The following SPOCK3 variants were observed in gnomAD, a reference collection of about 807,000 sequenced individuals.
SPOCK3 encodes the protein SPARC (osteonectin), cwcv and kazal like domains proteoglycan 3.
In SPOCK3, 30 loss-of-function variants were observed where a neutral mutation model predicts 56.6. The observed-to-expected ratio is 0.53, with a 90% CI of 0.40 to 0.72. The LOEUF is 0.72. Among genes scored for constraint, SPOCK3 ranks in the 30% least tolerant of loss-of-function variants. The pLI is 0.00. For missense variants in SPOCK3, 527 were observed against 530.0 expected (o/e 0.99, Z 0.06); for synonymous variants, 196 against 183.3 (o/e 1.07, Z -0.56).
At chr4:166,992,972 T>C (rs939462126) in intron 4 of SPOCK3, among the ~76,000 whole-genome samples, 1 of 152,188 alleles carries the variant, frequency 6.6e-6, no homozygotes, top group Non-Finnish European at 1.5e-5. Flanking sequence ...TGTGTCATAG[T>C]GCACCCTTTT....
chr4:167,215,050 G>A (rs1462243436), intron 2 of SPOCK3, among the ~76,000 whole-genome samples: 1 of 151,624 alleles, frequency 6.6e-6, no homozygotes, highest in Admixed American at 6.6e-5. Context: ...CAGTGTTCTT[G>A]TAAAGTAAAT....
At chr4:167,188,134 G>T (rs764925473) in intron 2 of SPOCK3, among the ~76,000 whole-genome samples, 2 of 146,092 alleles carry the variant, frequency 1.4e-5, no homozygotes, top group Non-Finnish European at 3.0e-5. Context: ...ACGACTGAAA[G>T]AATTTGAAGA....
intron 2 of SPOCK3, among the ~76,000 whole-genome samples, chr4:167,222,347 A>G (rs1343594643): frequency 1.3e-5 from 2 of 151,930 alleles, no homozygotes; most frequent in African/African-American, 4.8e-5. Context: ...CTGCAATGAA[A>G]AAGTTCTGGA....
intron 4 of SPOCK3, chr4:166,918,567 C>T (rs1203925355): frequency 6.6e-6 from 1 of 152,064 alleles, no homozygotes; most frequent in African/African-American, 2.4e-5. Flanking sequence ...AATCATTTGA[C>T]ATAGCTTATT....
At chr4:166,894,242 A>G (rs1263149416) in intron 5 of SPOCK3, among the ~76,000 whole-genome samples, 2 of 152,084 alleles carry the variant, frequency 1.3e-5, no homozygotes, top group Non-Finnish European at 2.9e-5. Flanking sequence ...ACAAAATGTT[A>G]TATTAATAAT....
At chr4:167,208,648 GATAAC>G (rs2111009882) in intron 2 of SPOCK3, among the ~76,000 whole-genome samples, 1 of 151,456 alleles carries the variant, frequency 6.6e-6, no homozygotes, top group South Asian at 2.1e-4. Flanking sequence ...GCACATTTTT[GATAAC>G]ATATTTACCA....
chr4:166,743,928 G>A (rs1226870200), intron 8 of SPOCK3, among the ~76,000 whole-genome samples: 2 of 152,184 alleles, frequency 1.3e-5, no homozygotes, highest in African/African-American at 2.4e-5. Context: ...CTTTGCTAAG[G>A]CTTGACTAGG....
At chr4:166,956,905 A>C (rs1299930642) in intron 4 of SPOCK3, among the ~76,000 whole-genome samples, 2 of 152,084 alleles carry the variant, frequency 1.3e-5, no homozygotes, top group East Asian at 3.9e-4. Context: ...ACTTCATCAT[A>C]CACAGTGAGC....
In SPOCK3 at chr4:166,783,345, C is replaced by T. The variant is rs143553313; in HGVS notation, c.709+8825G>A. Among the ~76,000 whole-genome samples, 329 of 151,776 alleles carry T rather than the reference C, an allele frequency of 2.2e-3. 1 individual carries two copies. The highest frequency in any genetic ancestry group is 7.6e-3 in the African/African-American group (316 of 41,386). ...CTGCACTCCAGCATGGGCAACAGAA[C>T]GAGAGTCTGTCTAAAAAAAAAGAAA... On this transcript the variant is annotated intron_variant, in intron 7 of 10. Transcript: ENST00000357545.
At chr4:166,803,043 A>G (rs1364739650) in intron 6 of SPOCK3, among the ~76,000 whole-genome samples, 1 of 151,956 alleles carries the variant, frequency 6.6e-6, no homozygotes, top group Non-Finnish European at 1.5e-5. Flanking sequence ...GCTCTCTGAC[A>G]AATAAAGCAC....
chr4:167,168,180 A>C (rs558313669), intron 2 of SPOCK3, among the ~76,000 whole-genome samples: 1 of 152,298 alleles, frequency 6.6e-6, no homozygotes, highest in Admixed American at 6.5e-5. Flanking sequence ...TACTAGCAGC[A>C]GGAGAAAGAA....
At chr4:166,755,827 C>T (rs535799314) in intron 7 of SPOCK3, among the ~76,000 whole-genome samples, 1 of 151,762 alleles carries the variant, frequency 6.6e-6, no homozygotes, top group African/African-American at 2.4e-5. Flanking sequence ...TCTTGTTATA[C>T]TTTGAATTAT....
intron 3 of SPOCK3, among the ~76,000 whole-genome samples, chr4:167,023,734 G>A (rs951317617): frequency 6.6e-6 from 1 of 151,950 alleles, no homozygotes; most frequent in Non-Finnish European, 1.5e-5. Flanking sequence ...ACAGCGATAT[G>A]GTGAGACTAC....
chr4:167,029,542 TTAAC>T (rs1752063287), intron 3 of SPOCK3, among the ~76,000 whole-genome samples: 1 of 152,106 alleles, frequency 6.6e-6, no homozygotes, highest in Non-Finnish European at 1.5e-5. Flanking sequence ...AGATTATAAT[TTAAC>T]TAAATACAGA....
At chr4:167,196,510 T>C (rs958997915) in intron 2 of SPOCK3, among the ~76,000 whole-genome samples, 5 of 151,746 alleles carry the variant, frequency 3.3e-5, no homozygotes, top group Non-Finnish European at 7.4e-5. Flanking sequence ...CTTTTCTTTC[T>C]TTCTTTCTTT....
At chr4:167,105,955 C>T (rs1760103498) in intron 2 of SPOCK3, among the ~76,000 whole-genome samples, 1 of 151,848 alleles carries the variant, frequency 6.6e-6, no homozygotes, top group Non-Finnish European at 1.5e-5. Flanking sequence ...AATATGTAAG[C>T]AATCATTACT....
chr4:166,954,449 C>T (rs1375037241), intron 4 of SPOCK3, among the ~76,000 whole-genome samples: 4 of 152,032 alleles, frequency 2.6e-5, no homozygotes. Context: ...TCTTACATTT[C>T]AGTCTTTATC....
intron 6 of SPOCK3, among the ~76,000 whole-genome samples, chr4:166,849,610 A>T (rs1748472465): frequency 6.6e-6 from 1 of 152,218 alleles, no homozygotes. Flanking sequence ...TACACATAAC[A>T]TAAAATTTAC....
chr4:166,994,135 C>T (rs774329748), intron 4 of SPOCK3, among the ~76,000 whole-genome samples: 2 of 151,996 alleles, frequency 1.3e-5, no homozygotes, highest in Non-Finnish European at 2.9e-5. Flanking sequence ...CAGGACATCT[C>T]GCGAGAAAAT....
Sources: allele counts gnomAD v4.1 joint callset (sites outside exome capture counted in the v4.1 genomes callset), GRCh38; gene constraint gnomAD v4.1.1; transcripts MANE v1.5; gene names NCBI Gene and HGNC (gene_info 2026-07-23, HGNC 2026-07-21).